The following TCF20 variants were observed in gnomAD, a reference collection of about 807,000 sequenced individuals.
TCF20 encodes SPRE-binding protein.
In TCF20, 3 loss-of-function variants were observed where a neutral mutation model predicts 148.6. The ratio of observed to expected loss-of-function variants is 0.02; its 90% CI spans 0.01 to 0.05. The LOEUF (loss-of-function observed/expected upper bound fraction) is 0.05, where lower values mean the gene tolerates loss of function less well. TCF20 is among the 10% of genes least tolerant of loss of function. The pLI is 1.00. For missense variants in TCF20, 2,350 were observed against 2,429.3 expected, an observed-to-expected ratio of 0.97 and a Z score of 0.69; for synonymous variants, 1,049 against 909.5, an observed-to-expected ratio of 1.15 and a Z score of -2.76.
chr22:42,332,441 A>T (rs1017617418), intron 1 of TCF20, among the ~76,000 whole-genome samples: 1 of 152,108 alleles, frequency 6.6e-6, no homozygotes, highest in Non-Finnish European at 1.5e-5. Flanking sequence ...CAAGGGCAGC[A>T]CTCTGGGTTC....
chr22:42,264,998 AATG>A (rs1347944084), intron 1 of TCF20, among the ~76,000 whole-genome samples: 5 of 152,246 alleles, frequency 3.3e-5, no homozygotes, highest in African/African-American at 1.2e-4. Context: ...ATACTGCAAT[AATG>A]ATATTTTCCC....
Position 42,211,609 on chromosome 22 carries a change from C to G in TCF20, c.3697G>C (p.Gly1233Arg). The G allele has an allele frequency of 6.2e-7, 1 of 1,614,192 alleles. No homozygotes were observed. The highest frequency in any genetic ancestry group is 8.5e-7 in the Non-Finnish European group (1 of 1,180,040). Residue 1233 changes from glycine to arginine, a missense_variant, in exon 2 of 6, where the codon GGT (glycine) becomes CGT (arginine). Gly to Arg is a moderately radical substitution (Grantham distance 125). This residue lies in a region of TCF20 where 1,641 missense variants were observed against 1,662.6 expected (regional missense o/e 0.99). Transcript: ENST00000677622. ...CCTGGAAGTCTCAGCATAACACTAC[C>G]AGGTTTGGATGACTGTGTAGCCTCA... ...LAEATQSSKP[G>R]SVMLRLPGQE...
chr22:42,263,267 G>T (rs1231800568), intron 1 of TCF20, among the ~76,000 whole-genome samples: 1 of 152,138 alleles, frequency 6.6e-6, no homozygotes, highest in South Asian at 2.1e-4. Context: ...CTACCAAAGG[G>T]ATACAGAATC....
chr22:42,323,893 A>G (rs1169313535), intron 1 of TCF20, among the ~76,000 whole-genome samples: 47 of 32,064 alleles, frequency 1.5e-3, no homozygotes, highest in Non-Finnish European at 2.0e-3. Flanking sequence ...GATGGAGGTT[A>G]TGGTGGTGGA....
At chr22:42,293,626 C>G (rs758287883) in intron 1 of TCF20, among the ~76,000 whole-genome samples, 1 of 152,188 alleles carries the variant, frequency 6.6e-6, no homozygotes, top group Non-Finnish European at 1.5e-5. Context: ...CCTGGGGCAC[C>G]TTAACCAGCC....
At chr22:42,221,739 G>GTTTTTTTTT (rs59283483) in intron 1 of TCF20, among the ~76,000 whole-genome samples, 2,314 of 92,658 alleles carry the variant, frequency 0.025, 455 homozygotes, top group African/African-American at 0.088. Context: ...ATGGCAAAGG[G>GTTTTTTTTT]TTTTTTTTTT....
At chr22:42,167,747 G>C (rs1381134535) in intron 5 of TCF20, among the ~76,000 whole-genome samples, 1 of 151,896 alleles carries the variant, frequency 6.6e-6, no homozygotes, top group Non-Finnish European at 1.5e-5. Context: ...TTTGAGACAG[G>C]GTCTCACTGT....
At chr22:42,227,306 A>G (rs1797781779) in intron 1 of TCF20, among the ~76,000 whole-genome samples, 1 of 152,176 alleles carries the variant, frequency 6.6e-6, no homozygotes, top group Non-Finnish European at 1.5e-5. Context: ...AAATTACTTC[A>G]AATGTACAGA....
intron 1 of TCF20, among the ~76,000 whole-genome samples, 140 bp downstream of exon 1, chr22:42,270,199 G>A (rs1023351679): frequency 3.3e-5 from 5 of 151,908 alleles, no homozygotes; most frequent in Non-Finnish European, 5.9e-5. Context: ...GCCCTGACTC[G>A]GAGTCCAGGA....
intron 2 of TCF20, among the ~76,000 whole-genome samples, chr22:42,201,072 T>G (rs192280264): frequency 4.6e-5 from 7 of 152,276 alleles, no homozygotes; most frequent in Admixed American, 4.6e-4. Context: ...AAGACCTGGT[T>G]GTTTGAAAGT....
chr22:42,318,450 G>A (rs1025701762), intron 1 of TCF20, among the ~76,000 whole-genome samples: 4 of 152,200 alleles, frequency 2.6e-5, no homozygotes, highest in Non-Finnish European at 4.4e-5. Context: ...GGAGGAGTGC[G>A]GCGCAGCGGA....
chr22:42,199,143 A>C (rs753018903), intron 2 of TCF20, among the ~76,000 whole-genome samples: 1 of 152,214 alleles, frequency 6.6e-6, no homozygotes, highest in Admixed American at 6.5e-5. Context: ...GAACAGTTCC[A>C]TTAGTTTTAC....
At chr22:42,201,576 T>C (rs372549415) in intron 2 of TCF20, among the ~76,000 whole-genome samples, 6 of 152,280 alleles carry the variant, frequency 3.9e-5, no homozygotes, top group African/African-American at 1.4e-4. Context: ...GAGATCAGCC[T>C]CGCCAACATG....
chr22:42,320,515 C>A (rs1486838889), intron 1 of TCF20, among the ~76,000 whole-genome samples: 1 of 152,248 alleles, frequency 6.6e-6, no homozygotes, highest in Non-Finnish European at 1.5e-5. Flanking sequence ...GCCGTCCCAG[C>A]CCCCGGCCTG....
At chr22:42,310,671 C>G (rs992807867) in intron 1 of TCF20, among the ~76,000 whole-genome samples, 1 of 150,878 alleles carries the variant, frequency 6.6e-6, no homozygotes, top group Non-Finnish European at 1.5e-5. Flanking sequence ...TGCAAGGAGA[C>G]AGGGCCTGTG....
intron 3 of TCF20, among the ~76,000 whole-genome samples, chr22:42,173,599 A>G (rs1051044758): frequency 1.3e-5 from 2 of 152,228 alleles, no homozygotes; most frequent in Admixed American, 1.3e-4. Context: ...ATTAGAAAGA[A>G]AAGTCCATCA....
At chr22:42,257,482 T>C (rs1178969209) in intron 1 of TCF20, among the ~76,000 whole-genome samples, 2 of 152,220 alleles carry the variant, frequency 1.3e-5, no homozygotes, top group African/African-American at 4.8e-5. Context: ...ACACATTCTA[T>C]TTTAACTCTA....
intron 1 of TCF20, among the ~76,000 whole-genome samples, chr22:42,327,753 C>T (rs1345598331): frequency 6.6e-6 from 1 of 151,378 alleles, no homozygotes; most frequent in Non-Finnish European, 1.5e-5. Flanking sequence ...TCCAGATTCA[C>T]AGAATCCAAA....
intron 2 of TCF20, among the ~76,000 whole-genome samples, chr22:42,198,259 T>C (rs1937717184): frequency 6.6e-6 from 1 of 152,236 alleles, no homozygotes; most frequent in African/African-American, 2.4e-5. Flanking sequence ...GTTTGAATCC[T>C]GGGCAAGCTC....
Sources: allele counts gnomAD v4.1 joint callset (sites outside exome capture counted in the v4.1 genomes callset), GRCh38; gene constraint gnomAD v4.1.1; regional missense constraint gnomAD v4.1.1; transcripts MANE v1.5; gene names NCBI Gene and HGNC (gene_info 2026-07-23, HGNC 2026-07-21).